Variants in PRAMEF17 observed in about 807,000 individuals in gnomAD.
The protein encoded by PRAMEF17 is PRAME family member 17.
A neutral mutation model predicts 36.8 loss-of-function variants in PRAMEF17; 48 were observed. That is an observed-to-expected ratio of 1.30 (90% CI 1.03 to 1.66). PRAMEF17 has a LOEUF of 1.66. Among genes scored for constraint, PRAMEF17 ranks in the 40% most tolerant of loss-of-function variants. PRAMEF17 has a pLI of 0.00. For missense variants in PRAMEF17, 639 were observed against 560.6 expected, an observed-to-expected ratio of 1.14 and a Z score of -1.41; for synonymous variants, 246 against 220.4, an observed-to-expected ratio of 1.12 and a Z score of -1.03.
rs201841215 is a variant in PRAMEF17, at chr1:13,390,395, T to C, written c.342T>C (p.Thr114=). 173,311 of 1,611,544 alleles carry C rather than the reference T, an allele frequency of 0.11. 9,876 individuals carry two copies. The highest frequency in any genetic ancestry group is 0.19 in the East Asian group (8,351 of 44,846). ...GGGATGTTGATGGGAATTTCTGGAC[T>C]ATATGGTCTGGAGCCAGGGCCCTCT... ...DLRDVDGNFW[T]IWSGARALSC... is the part of the protein sequence containing the mutation. The change falls in exon 2 of 3, where the codon ACT becomes ACC. Residue 114 remains threonine, a synonymous_variant. Transcript: ENST00000376098.
At position 13,390,853 on chromosome 1, in the gene PRAMEF17, A is replaced by C. The variant is rs746708165; in HGVS notation, c.800A>C (p.Tyr267Ser). Reference sequence around the variant, plus strand: ...TTGGACTGTCCATTCCTCTGCCTGTACTACCCTCAGATGCTTTATATAAGA... The same window carrying C: ...TTGGACTGTCCATTCCTCTGCCTGTCCTACCCTCAGATGCTTTATATAAGA... ...PDLDCPFLCL[Y>S]YPQMLYIRKI... Residue 267 changes from tyrosine to serine, a missense_variant, in exon 2 of 3, where the codon TAC becomes TCC. Transcript: ENST00000376098. The C allele has an allele frequency of 5.2e-5, 84 of 1,611,178 alleles. No homozygotes were observed. The highest frequency in any genetic ancestry group is 3.5e-4 in the Admixed American group (21 of 59,970).
chr1:13,391,000 T>A, intron 2 of PRAMEF17, 81 bp downstream of exon 2: 1 of 1,588,708 alleles, frequency 6.3e-7, no homozygotes, highest in Admixed American at 1.7e-5. Context: ...AGTGGGCATC[T>A]ACTGTGTGCC....
chr1:13,390,694 G>T lies in PRAMEF17; in HGVS notation c.641G>T (p.Arg214Ile), dbSNP rs1209973126. 1.2e-6 allele frequency: 2 copies of T among 1,611,990 alleles called. No homozygotes were observed. The highest frequency in any genetic ancestry group is 3.3e-5 in the Admixed American group (2 of 60,010). Residue 214 changes from arginine to isoleucine, a missense_variant, in exon 2 of 3, where the codon AGA becomes ATA. Coordinates refer to ENST00000376098, the MANE Select transcript of PRAMEF17 (RefSeq NM_001099851.3). The part of the protein sequence containing the change: ...PDSIQELEIK[R>I]KCSLNKTGKF... Reference sequence around the variant, plus strand: ...AGTATCCAGGAGTTGGAAATTAAGAGAAAGTGCTCTCTGAATAAAACAGGA... The same window carrying T: ...AGTATCCAGGAGTTGGAAATTAAGATAAAGTGCTCTCTGAATAAAACAGGA...
At chr1:13,390,282 C>T (rs551343603) in intron 1 of PRAMEF17, 59 bp from the exon 2 acceptor site, 169,134 of 1,606,044 alleles carry the variant, frequency 0.11, 8,228 homozygotes, top group East Asian at 0.18. Context: ...TGAGTGAAAG[C>T]TCAGGTCAGG....
At position 13,390,558 on chromosome 1, in the gene PRAMEF17, A is replaced by C. The variant is rs747756149; in HGVS notation, c.505A>C (p.Arg169=). Reference sequence around the variant, plus strand: ...GGATGAATGCCTGAGCTACCTCTGCAGGTGGATCCACTACAGAAGAGGTCT... The same window carrying C: ...GGATGAATGCCTGAGCTACCTCTGCCGGTGGATCCACTACAGAAGAGGTCT... ...TLDECLSYLC[R]WIHYRRGLVH... The change falls in exon 2 of 3, where the codon AGG becomes CGG. Residue 169 remains arginine (R), a synonymous_variant. Transcript: ENST00000376098. The C allele has an allele frequency of 1.9e-6, 3 of 1,604,684 alleles. No homozygotes were observed. The highest frequency in any genetic ancestry group is 2.6e-6 in the Non-Finnish European group (3 of 1,174,532).
Position 13,392,394 on chromosome 1 carries a change from T to A in PRAMEF17, c.1317T>A (p.Cys439Ter). Residue 439 changes from cysteine (C) to a stop codon, truncating the protein, a stop_gained, in exon 3 of 3, where the codon TGT (cysteine) becomes TGA (stop). Transcript: ENST00000376098. LOFTEE classifies it high-confidence loss of function. ...CCCCAATTCGGGCTGAGCTGATGTGTACACTCAGGGAAGTCAGGCAGCCCA... is the reference window on the plus strand; with the variant it reads ...CCCCAATTCGGGCTGAGCTGATGTGAACACTCAGGGAAGTCAGGCAGCCCA... ...ILAPIRAELM[C>*]TLREVRQPKR... 3 of 1,611,948 alleles carry A rather than the reference T, an allele frequency of 1.9e-6. No individual in the cohort carries two copies. The highest frequency in any genetic ancestry group is 2.5e-6 in the Non-Finnish European group (3 of 1,179,864).
At chr1:13,391,886 C>G (rs547169810) in intron 2 of PRAMEF17, 58 bp from the exon 3 acceptor site, 42 of 1,593,778 alleles carry the variant, frequency 2.6e-5, no homozygotes, top group Middle Eastern at 4.6e-4. Context: ...GAGATGATTT[C>G]CCACCCCCCT....
At position 13,389,878 on chromosome 1, in the gene PRAMEF17, A is replaced by T. The variant is rs1569848462; in HGVS notation, c.221A>T (p.His74Leu). 3 of 1,613,542 alleles carry T rather than the reference A, an allele frequency of 1.9e-6. No homozygotes were observed. Among genetic ancestry groups the T allele is most frequent in the Non-Finnish European group, 1.7e-6 (2 of 1,180,018 alleles). Residue 74 changes from histidine to leucine, a missense_variant, in exon 1 of 3, where the codon CAT (histidine) becomes CTT (leucine). Physicochemically the swap from His to Leu is moderately conservative, Grantham distance 99. Coordinates refer to ENST00000376098, the MANE Select transcript of PRAMEF17 (RefSeq NM_001099851.3). ...LPLGSLMKTP[H>L]LETLQAVLKG... ...CTGGGATCCCTGATGAAGACACCTCATCTGGAGACCTTGCAAGCTGTGCTG... is the reference window on the plus strand; with the variant it reads ...CTGGGATCCCTGATGAAGACACCTCTTCTGGAGACCTTGCAAGCTGTGCTG...
In PRAMEF17 at chr1:13,389,656, G is replaced by A; in HGVS notation, c.-2G>A. On this transcript the variant is annotated 5_prime_UTR_variant, in exon 1 of 3. Transcript: ENST00000376098. Reference sequence around the variant, plus strand: ...AGAGTTTTTCACTGGAGATTTGTCAGAATGAGCCTCCAGTCCCCATCCAGA... The same window carrying A: ...AGAGTTTTTCACTGGAGATTTGTCAAAATGAGCCTCCAGTCCCCATCCAGA... 12 of 1,612,030 alleles carry A rather than the reference G, an allele frequency of 7.4e-6. No individual in the cohort carries two copies. In the South Asian group the frequency reaches 1.3e-4, roughly 18 times the overall value.
chr1:13,392,196 G>A lies in PRAMEF17; in HGVS notation c.1119G>A (p.Leu373=). Residue 373 remains leucine (L), a synonymous_variant, in exon 3 of 3, where the codon CTG becomes CTA. Coordinates refer to ENST00000376098, the MANE Select transcript of PRAMEF17 (RefSeq NM_001099851.3). ...AGCTCAGGGTCCTCCTGCCTGCCCT[G>A]AGCCGCTGCTCCCAGCTCACCACCT... The part of the protein sequence containing the change: ...DSQLRVLLPA[L]SRCSQLTTFY... 1.9e-6 allele frequency: 3 copies of A among 1,611,964 alleles called. No individual in the cohort carries two copies. Among genetic ancestry groups the A allele is most frequent in the East Asian group, 2.2e-5 (1 of 44,864 alleles).
chr1:13,391,795 G>C, intron 2 of PRAMEF17, 149 bp from the exon 3 acceptor site: 4 of 1,226,416 alleles, frequency 3.3e-6, no homozygotes, highest in Non-Finnish European at 4.6e-6. Flanking sequence ...AGTGAAACAG[G>C]CTTCCCCATT....
rs887963374 is a variant in PRAMEF17 at position 13,392,369 on chromosome 1, C to G, written c.1292C>G (p.Ala431Gly). The part of the protein sequence containing the change: ...NRGHVNWEIL[A>G]PIRAELMCTL... ...GGTCATGTCAATTGGGAGATCCTCG[C>G]CCCAATTCGGGCTGAGCTGATGTGT... is the stretch of plus-strand genomic sequence containing the variant. Residue 431 changes from alanine to glycine, a missense_variant, in exon 3 of 3, where the codon GCC (alanine) becomes GGC (glycine). By Grantham distance (60) the Ala-to-Gly change is moderately conservative (BLOSUM62 0). Coordinates refer to ENST00000376098, the MANE Select transcript of PRAMEF17 (RefSeq NM_001099851.3). 1.2e-5 allele frequency: 19 copies of G among 1,611,836 alleles called. No individual in the cohort carries two copies. The highest frequency in any genetic ancestry group is 1.5e-5 in the Non-Finnish European group (18 of 1,179,860).
chr1:13,390,857 C>T lies in PRAMEF17; in HGVS notation c.804C>T (p.Tyr268=). Residue 268 remains tyrosine (Y), a synonymous_variant, in exon 2 of 3, where the codon TAC becomes TAT. Coordinates refer to ENST00000376098, the MANE Select transcript of PRAMEF17 (RefSeq NM_001099851.3). ...DLDCPFLCLY[Y]PQMLYIRKIS... is the part of the protein sequence containing the mutation. ...ACTGTCCATTCCTCTGCCTGTACTA[C>T]CCTCAGATGCTTTATATAAGAAAGA... The T allele has an allele frequency of 6.2e-7, 1 of 1,612,044 alleles. No individual in the cohort carries two copies. Among genetic ancestry groups the T allele is most frequent in the Non-Finnish European group, 8.5e-7 (1 of 1,179,864 alleles).
Position 13,391,054 on chromosome 1 carries a change from C to T in PRAMEF17, c.866+135C>T. 3.0e-6 allele frequency: 4 copies of T among 1,340,878 alleles called. No individual in the cohort carries two copies. The South Asian group carries it at 5.3e-5, about 18-fold the overall frequency. 83.1% of individuals were successfully genotyped at this position (1,340,878 alleles called of 1,614,324 possible). A position where few individuals can be genotyped will look rare whatever the true frequency, so the allele number is the denominator to read the frequency against. ...AGGGAATGGGACGCTAGAATGTCAA[C>T]TCATTATGCTGTTCAGTGCTCTATA... On this transcript the variant is annotated intron_variant, in intron 2 of 2. Coordinates refer to ENST00000376098, the MANE Select transcript of PRAMEF17 (RefSeq NM_001099851.3).
chr1:13,390,718 G>C lies in PRAMEF17; in HGVS notation c.665G>C (p.Gly222Ala), dbSNP rs1435757390. The part of the protein sequence containing the change: ...IKRKCSLNKT[G>A]KFAPYLSQMS... ...AGAAAGTGCTCTCTGAATAAAACAG[G>C]AAAGTTTGCCCCTTACTTGAGCCAG... is the stretch of plus-strand genomic sequence containing the variant. Residue 222 changes from glycine to alanine, a missense_variant, in exon 2 of 3, where the codon GGA (glycine) becomes GCA (alanine). Gly to Ala is a moderately conservative substitution (Grantham distance 60). Coordinates refer to ENST00000376098, the MANE Select transcript of PRAMEF17 (RefSeq NM_001099851.3). The C allele has an allele frequency of 2.8e-5, 45 of 1,611,860 alleles. No individual in the cohort carries two copies. Among genetic ancestry groups the C allele is most frequent in the Non-Finnish European group, 3.7e-5 (44 of 1,179,854 alleles).
rs774235644 is a variant in PRAMEF17 at position 13,390,557 on chromosome 1, C to A, written c.504C>A (p.Cys168Ter). The A allele has an allele frequency of 3.1e-6, 5 of 1,605,180 alleles. No homozygotes were observed. Among genetic ancestry groups the A allele is most frequent in the Non-Finnish European group, 4.3e-6 (5 of 1,174,990 alleles). Residue 168 changes from cysteine to a stop codon, truncating the protein, a stop_gained, in exon 2 of 3, where the codon TGC (cysteine) becomes TGA (stop). Transcript: ENST00000376098. LOFTEE classifies it high-confidence loss of function. The stretch of plus-strand genomic sequence containing the variant: ...TGGATGAATGCCTGAGCTACCTCTG[C>A]AGGTGGATCCACTACAGAAGAGGTC... ...STLDECLSYL[C>*]RWIHYRRGLV...
Position 13,392,519 on chromosome 1 carries a change from G to A in PRAMEF17, c.*17G>A, listed in dbSNP as rs1640900411. 1.2e-6 allele frequency: 2 copies of A among 1,611,802 alleles called. No individual in the cohort carries two copies. Among genetic ancestry groups the A allele is most frequent in the African/African-American group, 1.3e-5 (1 of 74,836 alleles). On this transcript the variant is annotated 3_prime_UTR_variant, in exon 3 of 3. Coordinates refer to ENST00000376098, the MANE Select transcript of PRAMEF17 (RefSeq NM_001099851.3). ...TGCTCTTAGTGAAGGCCTGATTAGT[G>A]GGATGGATATGCTTTCTTCAGGACC...
chr1:13,389,996 G>A lies in PRAMEF17; in HGVS notation c.287+52G>A, dbSNP rs1640858566. ...GAAGGGTCCAGGCATCCAGGGAAGG[G>A]ACAGCTGGCTCAGGAGGAGTGGTGG... is the stretch of plus-strand genomic sequence containing the variant. On this transcript the variant is annotated intron_variant, in intron 1 of 2. Transcript: ENST00000376098. The A allele has an allele frequency of 2.5e-6, 4 of 1,611,778 alleles. No individual in the cohort carries two copies. The South Asian group carries it at 3.3e-5, about 13-fold the overall frequency.
chr1:13,392,281 G>C lies in PRAMEF17; in HGVS notation c.1204G>C (p.Gly402Arg), dbSNP rs544754156. The C allele has an allele frequency of 2.1e-5, 34 of 1,612,020 alleles. No individual in the cohort carries two copies. Among genetic ancestry groups the C allele is most frequent in the Middle Eastern group, 2.3e-4 (1 of 4,430 alleles). ...TCTGAAAGACCTGCTGTGTCACACA[G>C]GTGGGCTGAGCAAGTTAGGTCTGGA... ...NALKDLLCHT[G>R]GLSKLGLELY... Residue 402 changes from glycine to arginine, a missense_variant, in exon 3 of 3, where the codon GGT (glycine) becomes CGT (arginine). By Grantham distance (125) the Gly-to-Arg change is moderately radical (BLOSUM62 -2). Transcript: ENST00000376098.
Sources: allele counts gnomAD v4.1 joint callset, GRCh38; gene constraint gnomAD v4.1.1; transcripts MANE v1.5; gene names NCBI Gene and HGNC (gene_info 2026-07-23, HGNC 2026-07-21).